Variants in NAALADL2 observed in about 807,000 individuals in gnomAD.
NAALADL2 encodes inactive N-acetylated-alpha-linked acidic dipeptidase-like protein 2.
NAALADL2 carries 76 observed loss-of-function variants against 87.2 expected under a neutral mutation model. The observed-to-expected ratio is 0.87, with a 90% CI of 0.72 to 1.05. The LOEUF is 1.05. Ranked by LOEUF, NAALADL2 falls within the 50% of genes least tolerant of loss-of-function variation. The pLI is 0.00. For synonymous variants in NAALADL2, 354 were observed against 331.0 expected, an observed-to-expected ratio of 1.07 and a Z score of -0.75; for missense variants, 1,089 against 945.8, an observed-to-expected ratio of 1.15 and a Z score of -1.99.
At chr3:175,685,409 A>G (rs191910368) in intron 11 of NAALADL2, among the ~76,000 whole-genome samples, 79 of 151,782 alleles carry the variant, frequency 5.2e-4, no homozygotes, top group African/African-American at 1.8e-3. Context: ...AAGGAGACAC[A>G]TGGTGTCTTA....
intron 2 of NAALADL2, among the ~76,000 whole-genome samples, chr3:174,586,897 A>G (rs145690549): frequency 5.5e-4 from 83 of 152,082 alleles, no homozygotes; most frequent in East Asian, 3.1e-3. Flanking sequence ...GGTTTGTTAC[A>G]TATGTATACA....
intron 11 of NAALADL2, among the ~76,000 whole-genome samples, chr3:175,706,345 A>G (rs537076675): frequency 4.0e-4 from 61 of 152,266 alleles, no homozygotes; most frequent in African/African-American, 1.3e-3. Context: ...ATGCATACTT[A>G]GTTATGGTAA....
chr3:175,082,949 C>G (rs563750761), intron 1 of NAALADL2, among the ~76,000 whole-genome samples: 8 of 152,274 alleles, frequency 5.3e-5, no homozygotes, highest in African/African-American at 1.9e-4. Context: ...GTATTATGTA[C>G]AGGAGGAGAG....
At chr3:175,656,289 T>G (rs530388664) in intron 11 of NAALADL2, among the ~76,000 whole-genome samples, 3 of 152,312 alleles carry the variant, frequency 2.0e-5, no homozygotes, top group African/African-American at 7.2e-5. Flanking sequence ...TTATTTATGA[T>G]TAAAAAGAAT....
intron 1 of NAALADL2, among the ~76,000 whole-genome samples, chr3:175,008,032 G>A (rs1351433052): frequency 1.3e-5 from 2 of 152,028 alleles, no homozygotes; most frequent in African/African-American, 2.4e-5. Context: ...GGATTGGACA[G>A]GATGGCTTGA....
At chr3:174,868,448 T>G (rs1356682486) in intron 1 of NAALADL2, among the ~76,000 whole-genome samples, 1 of 152,186 alleles carries the variant, frequency 6.6e-6, no homozygotes, top group Non-Finnish European at 1.5e-5. Context: ...GCACATAGTT[T>G]ACACTTGATA....
At chr3:174,984,482 G>T (rs952219615) in intron 1 of NAALADL2, among the ~76,000 whole-genome samples, 2 of 152,034 alleles carry the variant, frequency 1.3e-5, no homozygotes, top group Non-Finnish European at 2.9e-5. Flanking sequence ...AGTAACAGCA[G>T]CATTCGCATC....
chr3:174,705,309 C>T (rs1729949746), intron 2 of NAALADL2, among the ~76,000 whole-genome samples: 1 of 152,122 alleles, frequency 6.6e-6, no homozygotes, highest in Admixed American at 6.5e-5. Flanking sequence ...ACAGTAGCCC[C>T]AGTAAGAATC....
rs760690405 is a variant in NAALADL2, at chr3:174,930,614, C to CTTTTTTTTTTTTTTTTT, written c.43+71173_43+71189dup. Among the ~76,000 whole-genome samples, 15 of 66,816 alleles carry CTTTTTTTTTTTTTTTTT rather than the reference C, an allele frequency of 2.2e-4. 2 individuals are homozygous for CTTTTTTTTTTTTTTTTT. The highest frequency in any genetic ancestry group is 5.1e-4 in the African/African-American group (8 of 15,786). The allele number at this position is 66,816 out of a possible 152,430, so 43.8% of individuals were successfully genotyped here. A position where few individuals can be genotyped will look rare whatever the true frequency, so the allele number is the denominator to read the frequency against. On this transcript the variant is annotated intron_variant, in intron 1 of 13. Coordinates refer to ENST00000454872, the MANE Select transcript of NAALADL2 (RefSeq NM_207015.3). ...TTGCAAGTCCTTTAAATAAGATGAACTTTTTTTTTTTTTTTTTTTTTTTTT... is the reference window on the plus strand; with the variant it reads ...TTGCAAGTCCTTTAAATAAGATGAACTTTTTTTTTTTTTTTTTTTTTTTTTTTTTTTTTTTTTTTTTT...
At chr3:175,066,395 T>A (rs1714538484) in intron 1 of NAALADL2, among the ~76,000 whole-genome samples, 1 of 152,068 alleles carries the variant, frequency 6.6e-6, no homozygotes, top group South Asian at 2.1e-4. Flanking sequence ...TTATCTAAAT[T>A]GTACACCAAA....
chr3:175,414,557 A>T (rs1243248242), intron 5 of NAALADL2, among the ~76,000 whole-genome samples: 1 of 152,234 alleles, frequency 6.6e-6, no homozygotes, highest in Admixed American at 6.5e-5. Context: ...ATGATTTTCG[A>T]AAACGTAAAG....
chr3:175,722,186 C>A (rs1158148473), intron 11 of NAALADL2, among the ~76,000 whole-genome samples: 1 of 152,104 alleles, frequency 6.6e-6, no homozygotes, highest in Non-Finnish European at 1.5e-5. Flanking sequence ...ATATTCTTAT[C>A]TGCAAATTGA....
At chr3:175,212,367 A>G (rs1349285486) in intron 2 of NAALADL2, among the ~76,000 whole-genome samples, 3 of 152,124 alleles carry the variant, frequency 2.0e-5, no homozygotes, top group Non-Finnish European at 4.4e-5. Flanking sequence ...CCCATTAACT[A>G]GTAACACAGA....
chr3:174,852,688 T>C (rs773254107), intron 3 of NAALADL2, among the ~76,000 whole-genome samples: 1 of 151,890 alleles, frequency 6.6e-6, no homozygotes, highest in Non-Finnish European at 1.5e-5. Flanking sequence ...ACCAATGAAA[T>C]TCTTCAGAGA....
At chr3:174,975,834 A>G (rs1437585353) in intron 1 of NAALADL2, among the ~76,000 whole-genome samples, 1 of 152,186 alleles carries the variant, frequency 6.6e-6, no homozygotes, top group Non-Finnish European at 1.5e-5. Context: ...CTACAACCAC[A>G]AGGAACTAAA....
chr3:174,508,785 C>T (rs985118441), intron 1 of NAALADL2, among the ~76,000 whole-genome samples: 1 of 152,132 alleles, frequency 6.6e-6, no homozygotes, highest in Non-Finnish European at 1.5e-5. Context: ...CAGTGGCTCA[C>T]GCCTGTAATC....
intron 11 of NAALADL2, among the ~76,000 whole-genome samples, chr3:175,731,923 T>C (rs1405868963): frequency 2.0e-5 from 3 of 152,210 alleles, no homozygotes; most frequent in African/African-American, 7.2e-5. Flanking sequence ...GTCTCTATTA[T>C]ACAGTGCAAA....
chr3:175,686,061 C>A (rs1736251521), intron 11 of NAALADL2, among the ~76,000 whole-genome samples: 1 of 151,764 alleles, frequency 6.6e-6, no homozygotes, highest in African/African-American at 2.4e-5. Context: ...GCTGCTTTAC[C>A]TCCATAAGAT....
intron 2 of NAALADL2, among the ~76,000 whole-genome samples, chr3:174,606,795 A>G (rs373260548): frequency 3.0e-4 from 46 of 152,290 alleles, no homozygotes; most frequent in African/African-American, 1.1e-3. Context: ...GCAGGCCAAC[A>G]TTCAGATTCA....
Sources: gnomAD v4.1 joint callset for allele counts (sites outside exome capture counted in the v4.1 genomes callset) on GRCh38, gnomAD v4.1.1 for gene constraint, MANE v1.5 for transcripts, NCBI Gene and HGNC (gene_info 2026-07-23, HGNC 2026-07-21) for gene names.